Variants in RELN observed in about 807,000 individuals in gnomAD.
RELN encodes reelin.
RELN carries 108 observed loss-of-function variants against 427.6 expected under a neutral mutation model. The observed-to-expected ratio is 0.25, with a 90% CI of 0.22 to 0.30. The LOEUF (loss-of-function observed/expected upper bound fraction) is 0.30. Ranked by LOEUF, RELN falls within the 10% of genes least tolerant of loss-of-function variation. The pLI is 1.00. For missense variants in RELN, 3,715 were observed against 4,302.8 expected, an observed-to-expected ratio of 0.86 and a Z score of 3.82; for synonymous variants, 1,524 against 1,513.4, an observed-to-expected ratio of 1.01 and a Z score of -0.16.
At chr7:103,938,682 C>A (rs1021302176) in intron 1 of RELN, among the ~76,000 whole-genome samples, 1 of 152,162 alleles carries the variant, frequency 6.6e-6, no homozygotes, top group African/African-American at 2.4e-5. Context: ...ATACAGGAAT[C>A]GTAGTCTGAC....
At chr7:103,962,464 C>T (rs993487572) in intron 1 of RELN, among the ~76,000 whole-genome samples, 38 of 151,996 alleles carry the variant, frequency 2.5e-4, no homozygotes, top group African/African-American at 8.5e-4. Flanking sequence ...ATGAGTGAGG[C>T]GCCTCCACCG....
At chr7:103,732,841 G>A (rs1217911202) in intron 6 of RELN, among the ~76,000 whole-genome samples, 54 of 152,178 alleles carry the variant, frequency 3.5e-4, no homozygotes, top group Admixed American at 3.0e-3. Context: ...AGTAGGTTGC[G>A]AAAATTTTCT....
intron 64 of RELN, among the ~76,000 whole-genome samples, chr7:103,473,976 A>G (rs904478123): frequency 1.3e-5 from 2 of 152,222 alleles, no homozygotes; most frequent in African/African-American, 4.8e-5. Context: ...ATAAAGATCA[A>G]TATGACATGA....
At chr7:103,661,256 G>A (rs1833132868) in intron 12 of RELN, 120 bp downstream of exon 12, 1 of 1,104,726 alleles carries the variant, frequency 9.1e-7, no homozygotes, top group Non-Finnish European at 1.4e-6. Flanking sequence ...TGTCTGGAGA[G>A]CTCACGTTTC....
At chr7:103,644,542 C>T (rs74452771) in intron 16 of RELN, among the ~76,000 whole-genome samples, 1,680 of 149,872 alleles carry the variant, frequency 0.011, 28 homozygotes, top group African/African-American at 0.036. Context: ...TCTCAGAGCT[C>T]GAATACAGGT....
rs767190309 is a variant in RELN at position 103,620,576 on chromosome 7, C to T, written c.2703-8773G>A. Among the ~76,000 whole-genome samples, 12 of 151,434 alleles carry T rather than the reference C, an allele frequency of 7.9e-5. No homozygotes were observed. Among genetic ancestry groups the T allele is most frequent in the African/African-American group, 1.2e-4 (5 of 41,182 alleles). ...GCAGCCTCTGCCTCCTGGGTTCAAA[C>T]GATTCTCCTGCCTCAGCCTCCCAAG... On this transcript the variant is annotated intron_variant, in intron 20 of 64. Transcript: ENST00000428762. This position sits in a 1 kb window ranked among gnomAD's most constrained non-coding sequence, Gnocchi z 4.1.
chr7:103,607,217 A>G (rs932923413), intron 22 of RELN, among the ~76,000 whole-genome samples: 2 of 152,156 alleles, frequency 1.3e-5, no homozygotes, highest in Admixed American at 6.5e-5. Flanking sequence ...CACGTTGTGC[A>G]CATGTACCCT....
rs77461786 is a variant in RELN, at chr7:103,532,607, T to A, written c.7349+2709A>T. Reference sequence around the variant, plus strand: ...CAATGCTCTTCATGGTCTGACACCATCTCATACCTCACCTTGCTCCTCTCT... The same window carrying A: ...CAATGCTCTTCATGGTCTGACACCAACTCATACCTCACCTTGCTCCTCTCT... On this transcript the variant is annotated intron_variant, in intron 46 of 64. Transcript: ENST00000428762. Among the ~76,000 whole-genome samples, 94 of 152,222 alleles carry A rather than the reference T, an allele frequency of 6.2e-4. 1 individual carries two copies. The East Asian group carries it at 0.015, about 25-fold the overall frequency.
At chr7:103,951,774 G>C (rs1277927603) in intron 1 of RELN, among the ~76,000 whole-genome samples, 1 of 151,912 alleles carries the variant, frequency 6.6e-6, no homozygotes, top group Non-Finnish European at 1.5e-5. Context: ...CCAGGTTCAA[G>C]CAATTCTTGT....
intron 28 of RELN, among the ~76,000 whole-genome samples, chr7:103,582,626 C>T (rs992618074): frequency 3.3e-5 from 5 of 152,088 alleles, no homozygotes; most frequent in African/African-American, 1.2e-4. Context: ...CTACCAAAGG[C>T]TGTAGTGTAA....
intron 2 of RELN, among the ~76,000 whole-genome samples, chr7:103,906,608 G>T (rs981502507): frequency 6.6e-6 from 1 of 152,102 alleles, no homozygotes; most frequent in Non-Finnish European, 1.5e-5. Context: ...CATAGCTCCT[G>T]AATGTTTACT....
intron 44 of RELN, chr7:103,539,618 A>AT (rs1830132470): frequency 6.8e-6 from 3 of 440,254 alleles, no homozygotes; most frequent in Non-Finnish European, 1.3e-5. Context: ...GGGAAGCAAA[A>AT]TTTGGCTTAT....
chr7:103,748,375 C>A (rs6978166), intron 6 of RELN, among the ~76,000 whole-genome samples: 2 of 151,824 alleles, frequency 1.3e-5, no homozygotes, highest in Non-Finnish European at 2.9e-5. Context: ...AATATTGAAG[C>A]CTCAACACTC....
chr7:103,751,008 C>T (rs562650863), intron 5 of RELN, among the ~76,000 whole-genome samples: 56 of 152,160 alleles, frequency 3.7e-4, no homozygotes, highest in African/African-American at 1.1e-3. Flanking sequence ...TGGCTGGCTA[C>T]GGTGTAAGTG....
chr7:103,489,334 G>A (rs1400509995), intron 60 of RELN, among the ~76,000 whole-genome samples: 1 of 151,986 alleles, frequency 6.6e-6, no homozygotes, highest in African/African-American at 2.4e-5. Flanking sequence ...GAGGGATACT[G>A]GTCAAGTATG....
At chr7:103,796,875 C>CAAAAAAAAAAAAAAAAAA (rs1310087423) in intron 3 of RELN, among the ~76,000 whole-genome samples, 3 of 67,198 alleles carry the variant, frequency 4.5e-5, no homozygotes, top group Non-Finnish European at 5.5e-5. Context: ...CTCCATCTCA[C>CAAAAAAAAAAAAAAAAAA]AAAAAAAAAA....
intron 3 of RELN, among the ~76,000 whole-genome samples, chr7:103,788,549 A>G (rs974779651): frequency 1.3e-5 from 2 of 152,200 alleles, no homozygotes; most frequent in Admixed American, 1.3e-4. Flanking sequence ...CCAATAATAG[A>G]CAAACAGAGA....
chr7:103,895,714 T>C (rs1022185095), intron 2 of RELN, among the ~76,000 whole-genome samples: 1 of 152,002 alleles, frequency 6.6e-6, no homozygotes, highest in Non-Finnish European at 1.5e-5. Context: ...ATTGTGAGAT[T>C]GAAAAATAAC....
intron 6 of RELN, among the ~76,000 whole-genome samples, chr7:103,748,618 T>C (rs1790914534): frequency 6.6e-6 from 1 of 152,226 alleles, no homozygotes; most frequent in African/African-American, 2.4e-5. Flanking sequence ...TATTGCTAAA[T>C]ATTTGTTAAA....
Sources: allele counts gnomAD v4.1 joint callset (sites outside exome capture counted in the v4.1 genomes callset), GRCh38; gene constraint gnomAD v4.1.1; non-coding constraint Gnocchi (gnomAD v3.1); transcripts MANE v1.5; gene names NCBI Gene and HGNC (gene_info 2026-07-23, HGNC 2026-07-21).